The following MANBA variants were observed in gnomAD, a reference collection of about 807,000 sequenced individuals.
MANBA encodes the protein beta-mannosidase.
MANBA carries 83 observed loss-of-function variants against 111.1 expected under a neutral mutation model. The observed-to-expected ratio is 0.75, with a 90% confidence interval of 0.63 to 0.90. The LOEUF is 0.90. MANBA is among the 40% of genes least tolerant of loss of function. The probability of loss-of-function intolerance (pLI) is 0.00; values close to 1 mark genes in which losing one functional copy is unlikely to be tolerated. For missense variants in MANBA, 1,036 were observed against 1,069.0 expected, an observed-to-expected ratio of 0.97 and a Z score of 0.43; for synonymous variants, 370 against 378.7, an observed-to-expected ratio of 0.98 and a Z score of 0.27.
At chr4:102,656,028 A>C (rs1730542832) in intron 12 of MANBA, among the ~76,000 whole-genome samples, 1 of 152,142 alleles carries the variant, frequency 6.6e-6, no homozygotes, top group Non-Finnish European at 1.5e-5. Flanking sequence ...CGAGGTAGGA[A>C]GATCACTTGA....
At position 102,635,899 on chromosome 4, in the gene MANBA, G is replaced by T; in HGVS notation, c.2123C>A (p.Ser708Ter). The change falls in exon 15 of 17, where the codon TCA becomes TAA. Residue 708 changes from serine to a stop codon, truncating the protein, a stop_gained. Coordinates refer to ENST00000647097, the MANE Select transcript of MANBA (RefSeq NM_005908.4). LOFTEE classifies it high-confidence loss of function. The part of the protein sequence containing the change: ...NENTFYIYGV[S>*]DLHSDYSMTL... ...CATCGAATAATCCGAGTGAAGATCT[G>T]ACACACCATAGATATAGAACGTGTT... 1 of 1,612,198 alleles carries T rather than the reference G, an allele frequency of 6.2e-7. No individual in the cohort carries two copies. Among genetic ancestry groups the T allele is most frequent in the South Asian group, 1.1e-5 (1 of 90,996 alleles).
chr4:102,668,256 G>A (rs1423991246), intron 10 of MANBA: 1 of 152,562 alleles, frequency 6.6e-6, no homozygotes, highest in Non-Finnish European at 1.5e-5. Flanking sequence ...AAAATTATCA[G>A]TTGATAATAT....
At chr4:102,760,663 T>C in intron 1 of MANBA, 55 bp downstream of exon 1, 1 of 1,487,052 alleles carries the variant, frequency 6.7e-7, no homozygotes, top group Non-Finnish European at 9.0e-7. Context: ...TGGGCCCCTC[T>C]CAGCACCAGA....
At chr4:102,680,943 C>T (rs116119670) in intron 7 of MANBA, among the ~76,000 whole-genome samples, 1,979 of 152,258 alleles carry the variant, frequency 0.013, 53 homozygotes, top group African/African-American at 0.044. Flanking sequence ...ACTCTGCCAC[C>T]TTCAATATAG....
At chr4:102,694,922 C>A (rs1317592082) in intron 5 of MANBA, among the ~76,000 whole-genome samples, 2 of 152,042 alleles carry the variant, frequency 1.3e-5, no homozygotes, top group African/African-American at 2.4e-5. Flanking sequence ...GTTCATATAA[C>A]CTCAATCAGG....
At chr4:102,681,259 T>C (rs925814767) in intron 7 of MANBA, among the ~76,000 whole-genome samples, 1 of 152,098 alleles carries the variant, frequency 6.6e-6, no homozygotes, top group Non-Finnish European at 1.5e-5. Flanking sequence ...GGTAGGAGGA[T>C]CACTGGGGCC....
chr4:102,699,586 A>G (rs1372999250), intron 5 of MANBA, among the ~76,000 whole-genome samples: 5 of 151,040 alleles, frequency 3.3e-5, no homozygotes, highest in African/African-American at 1.2e-4. Context: ...GAATTTTGTC[A>G]AAGGCCTTTT....
At chr4:102,743,291 A>C (rs1723475065) in intron 1 of MANBA, among the ~76,000 whole-genome samples, 1 of 152,212 alleles carries the variant, frequency 6.6e-6, no homozygotes, top group Non-Finnish European at 1.5e-5. Flanking sequence ...ACAGCCCATG[A>C]ATCAGTATAT....
At chr4:102,728,306 C>G (rs1450114378) in intron 1 of MANBA, 2 of 535,174 alleles carry the variant, frequency 3.7e-6, no homozygotes, top group Admixed American at 3.9e-5. Flanking sequence ...TTTGAAGTGA[C>G]TTTTCTGGAT....
intron 13 of MANBA, among the ~76,000 whole-genome samples, chr4:102,643,092 A>G (rs909721659): frequency 3.9e-5 from 6 of 152,104 alleles, no homozygotes; most frequent in African/African-American, 1.4e-4. Flanking sequence ...AAGAAACACC[A>G]TACTGGGAAG....
chr4:102,647,932 C>T (rs1730171380), intron 13 of MANBA, among the ~76,000 whole-genome samples: 2 of 152,062 alleles, frequency 1.3e-5, no homozygotes, highest in Admixed American at 6.6e-5. Context: ...TTTTTAGATA[C>T]TAAGATAGGA....
chr4:102,651,537 T>C (rs76421501), intron 12 of MANBA, among the ~76,000 whole-genome samples: 2,071 of 152,268 alleles, frequency 0.014, 63 homozygotes, highest in African/African-American at 0.048. Flanking sequence ...GCTGGCTACA[T>C]CTGAAAATAT....
At chr4:102,697,391 A>C (rs1732768458) in intron 5 of MANBA, among the ~76,000 whole-genome samples, 1 of 152,026 alleles carries the variant, frequency 6.6e-6, no homozygotes, top group African/African-American at 2.4e-5. Flanking sequence ...GTTTTAGGGT[A>C]CATGTGCACA....
At chr4:102,729,144 G>A in intron 1 of MANBA, 1 of 726,816 alleles carries the variant, frequency 1.4e-6, no homozygotes. Flanking sequence ...TTAACAGCCA[G>A]CCCCCTGTGC....
intron 5 of MANBA, among the ~76,000 whole-genome samples, chr4:102,693,895 C>T (rs1560778007): frequency 6.6e-6 from 1 of 152,134 alleles, no homozygotes; most frequent in South Asian, 2.1e-4. Flanking sequence ...CCAGGCTTGG[C>T]TATTGTAAAG....
rs907124149 is a variant in MANBA, at chr4:102,723,944, A to G, written c.296T>C (p.Ile99Thr). 3.1e-6 allele frequency: 5 copies of G among 1,609,952 alleles called. No individual in the cohort carries two copies. Among genetic ancestry groups the G allele is most frequent in the Middle Eastern group, 1.6e-4 (1 of 6,072 alleles). The change falls in exon 3 of 17, where the codon ATT (isoleucine) becomes ACT (threonine). Residue 99 changes from isoleucine (I) to threonine (T), a missense_variant. Physicochemically the swap from Ile to Thr is moderately conservative, Grantham distance 89. Coordinates refer to ENST00000647097, the MANE Select transcript of MANBA (RefSeq NM_005908.4). ...TGAAACCGTATCCACTCCCTCAAGA[A>G]TCAAATTTACTTTTTGCCATTTGCT... is the stretch of plus-strand genomic sequence containing the variant. ...EISKWQKVNL[I>T]LEGVDTVSKI... is the part of the protein sequence containing the mutation.
intron 1 of MANBA, among the ~76,000 whole-genome samples, chr4:102,742,208 T>C (rs1272080319): frequency 6.6e-6 from 1 of 152,172 alleles, no homozygotes; most frequent in East Asian, 1.9e-4. Flanking sequence ...CAGGTGGCAA[T>C]CTTAACTTCT....
intron 12 of MANBA, among the ~76,000 whole-genome samples, chr4:102,652,004 A>G (rs1465772529): frequency 3.3e-5 from 5 of 152,154 alleles, no homozygotes; most frequent in Admixed American, 3.3e-4. Flanking sequence ...ATGGGGTACC[A>G]TGTTATAATT....
chr4:102,668,378 G>A (rs917571384), intron 10 of MANBA: 2 of 153,598 alleles, frequency 1.3e-5, no homozygotes, highest in African/African-American at 4.8e-5. Flanking sequence ...CTCTTAACAG[G>A]AAAGATTACT....
Sources: allele counts gnomAD v4.1 joint callset (sites outside exome capture counted in the v4.1 genomes callset), GRCh38; gene constraint gnomAD v4.1.1; transcripts MANE v1.5; gene names NCBI Gene and HGNC (gene_info 2026-07-23, HGNC 2026-07-21).